RNASEH2B: variants seen among roughly 807,000 people sequenced by gnomAD.
RNASEH2B encodes ribonuclease H2 subunit B.
RNASEH2B carries 36 observed loss-of-function variants against 45.0 expected under a neutral mutation model. That is an observed-to-expected ratio of 0.80 (90% CI 0.61 to 1.06). The LOEUF (loss-of-function observed/expected upper bound fraction) is 1.06, where lower values mean the gene tolerates loss of function less well. RNASEH2B is among the 50% of genes least tolerant of loss of function. The pLI is 0.00. For synonymous variants in RNASEH2B, 119 were observed against 125.7 expected, an observed-to-expected ratio of 0.95 and a Z score of 0.35; for missense variants, 361 against 360.3, an observed-to-expected ratio of 1.00 and a Z score of -0.02.
At chr13:50,941,819 T>C (rs1293950951) in intron 5 of RNASEH2B, 3 of 152,228 alleles carry the variant, frequency 2.0e-5, no homozygotes, top group Non-Finnish European at 4.4e-5. Flanking sequence ...GACAATGCTT[T>C]TGCACCTGTC....
At chr13:50,959,633 A>C (rs2138033603), downstream of RNASEH2B, 1 of 152,306 alleles carries the variant, frequency 6.6e-6, no homozygotes, top group Admixed American at 6.5e-5. Context: ...TTGTATTTTT[A>C]GTAGAGACGG....
chr13:50,946,907 G>A (rs760910831), intron 7 of RNASEH2B, among the ~76,000 whole-genome samples: 6 of 152,090 alleles, frequency 3.9e-5, no homozygotes, highest in Admixed American at 6.5e-5. Flanking sequence ...TGACTCATTG[G>A]ATAATGACTA....
intron 1 of RNASEH2B, among the ~76,000 whole-genome samples, chr13:50,924,275 C>G (rs141230608): frequency 2.0e-3 from 300 of 152,222 alleles, no homozygotes; most frequent in African/African-American, 7.1e-3. Context: ...CAATTATATC[C>G]TATCTACTAG....
At chr13:50,950,127 C>T (rs1398643803) in intron 9 of RNASEH2B, 1 of 152,542 alleles carries the variant, frequency 6.6e-6, no homozygotes, top group African/African-American at 2.4e-5. Flanking sequence ...TTGCAGCGTT[C>T]CTTCAGCCCA....
chr13:50,937,174 A>G (rs1402227851), intron 5 of RNASEH2B: 2 of 152,122 alleles, frequency 1.3e-5, no homozygotes, highest in African/African-American at 2.4e-5. Context: ...GAATCTCAAA[A>G]TAATGGAAGT....
chr13:50,928,117 A>G (rs868618924), intron 2 of RNASEH2B, among the ~76,000 whole-genome samples: 2 of 152,288 alleles, frequency 1.3e-5, no homozygotes, highest in Middle Eastern at 3.4e-3. Flanking sequence ...CAAAAATATT[A>G]AAGTGTATTC....
intron 4 of RNASEH2B, 73 bp from the exon 5 acceptor site, chr13:50,934,812 G>T: frequency 2.0e-6 from 2 of 1,024,072 alleles, no homozygotes; most frequent in South Asian, 1.4e-5. Flanking sequence ...ATGAGTTAAT[G>T]TGTCTTTTTC....
chr13:50,965,054 A>G (rs940655491), intron 9 of RNASEH2B, among the ~76,000 whole-genome samples: 1 of 152,194 alleles, frequency 6.6e-6, no homozygotes, highest in African/African-American at 2.4e-5. Context: ...CAATGGTTTG[A>G]TTGATGGCAG....
rs1879259645 is a variant in RNASEH2B at position 50,910,101 on chromosome 13, G to A, written c.25G>A (p.Asp9Asn). Residue 9 changes from aspartate to asparagine, a missense_variant, in exon 1 of 11, where the codon GAC (aspartate) becomes AAC (asparagine). Coordinates refer to ENST00000336617, the MANE Select transcript of RNASEH2B (RefSeq NM_024570.4). The part of the protein sequence containing the change: MAAGVDCG[D>N]GVGARQHVFL... Reference sequence around the variant, plus strand: ...CATGGCCGCTGGCGTGGACTGCGGGGACGGGGTTGGCGCCCGGCAGCACGT... The same window carrying A: ...CATGGCCGCTGGCGTGGACTGCGGGAACGGGGTTGGCGCCCGGCAGCACGT... 1 of 1,463,046 alleles carries A rather than the reference G, an allele frequency of 6.8e-7. No individual in the cohort carries two copies. The highest frequency in any genetic ancestry group is 9.0e-7 in the Non-Finnish European group (1 of 1,110,462). The allele number at this position is 1,463,046 out of a possible 1,614,324, so 90.6% of individuals were successfully genotyped here.
At chr13:50,937,930 G>A (rs546870666) in intron 5 of RNASEH2B, 1 of 152,288 alleles carries the variant, frequency 6.6e-6, no homozygotes, top group Admixed American at 6.5e-5. Flanking sequence ...CCATGTGGTG[G>A]ATGTCCTAGC....
intron 4 of RNASEH2B, among the ~76,000 whole-genome samples, chr13:50,932,936 G>A (rs559314332): frequency 5.1e-4 from 78 of 152,130 alleles, no homozygotes; most frequent in South Asian, 1.0e-3. Context: ...CCTGCCCTCC[G>A]CCCTTCACTG....
At chr13:50,927,985 G>C (rs930156645) in intron 2 of RNASEH2B, among the ~76,000 whole-genome samples, 18 of 151,360 alleles carry the variant, frequency 1.2e-4, no homozygotes, top group African/African-American at 4.1e-4. Context: ...TTCTCCGTCA[G>C]GGGACTTTTT....
Position 50,945,436 on chromosome 13 carries a change from A to G in RNASEH2B, c.520A>G (p.Thr174Ala), listed in dbSNP as rs1593472446. ...LKWLEKKVNQ[T>A]VAALKTNNVN... ...CTTGGTTGCTTCATAGGTTAATCAA[A>G]CTGTGGCAGCATTAAAAACCAATAA... The change falls in exon 7 of 11, where the codon ACT becomes GCT. Residue 174 changes from threonine (T) to alanine (A), a missense_variant. Thr to Ala is a moderately conservative substitution (Grantham distance 58, BLOSUM62 0). Transcript: ENST00000336617. The G allele has an allele frequency of 3.1e-6, 5 of 1,612,354 alleles. No homozygotes were observed. In the East Asian group the frequency reaches 8.9e-5, roughly 29 times the overall value.
intron 9 of RNASEH2B, among the ~76,000 whole-genome samples, chr13:50,965,523 A>G (rs1375029040): frequency 6.6e-6 from 1 of 152,196 alleles, no homozygotes; most frequent in Non-Finnish European, 1.5e-5. Context: ...CAACCAATCC[A>G]TCAATCCATC....
Position 50,930,675 on chromosome 13 carries a change from A to G in RNASEH2B, c.245-8A>G, listed in dbSNP as rs1057517815. Reference sequence around the variant, plus strand: ...TTTAATTCCCTTCATCCTTTTTGTAATCTGCAGGAGGTCTTCTCCATTTTG... The same window carrying G: ...TTTAATTCCCTTCATCCTTTTTGTAGTCTGCAGGAGGTCTTCTCCATTTTG... On this transcript the variant is annotated splice_region_variant and splice_polypyrimidine_tract_variant and intron_variant, in intron 3 of 10. Transcript: ENST00000336617. 16 of 1,603,350 alleles carry G rather than the reference A, an allele frequency of 1.0e-5. No individual in the cohort carries two copies. Among genetic ancestry groups the G allele is most frequent in the African/African-American group, 4.0e-5 (3 of 74,686 alleles).
intron 9 of RNASEH2B, among the ~76,000 whole-genome samples, chr13:50,963,566 T>C (rs1952134833): frequency 6.6e-6 from 1 of 152,232 alleles, no homozygotes; most frequent in Admixed American, 6.5e-5. Flanking sequence ...AATACTTCAA[T>C]ATAGTTAAAA....
chr13:50,929,695 A>G, intron 3 of RNASEH2B, 113 bp downstream of exon 3: 1 of 729,544 alleles, frequency 1.4e-6, no homozygotes, highest in South Asian at 1.5e-5. Context: ...TCACTGGTTT[A>G]GCCTTCCTTG....
chr13:50,909,958 G>T lies in RNASEH2B; in HGVS notation c.-119G>T. ...GTCCCTGGGCCTCCTCCCGGGCGCT[G>T]CCGGTCCCTCAGCGCGCCGCGCCAC... On this transcript the variant is annotated 5_prime_UTR_variant, in exon 1 of 11. Coordinates refer to ENST00000336617, the MANE Select transcript of RNASEH2B (RefSeq NM_024570.4). 1.2e-6 allele frequency: 1 copy of T among 805,954 alleles called. No individual in the cohort carries two copies. The highest frequency in any genetic ancestry group is 1.8e-6 in the Non-Finnish European group (1 of 546,096). The allele number at this position is 805,954 out of a possible 1,614,324, so 49.9% of individuals were successfully genotyped here.
At chr13:50,919,180 G>A (rs1951485566) in intron 1 of RNASEH2B, among the ~76,000 whole-genome samples, 1 of 152,160 alleles carries the variant, frequency 6.6e-6, no homozygotes, top group African/African-American at 2.4e-5. Flanking sequence ...CCAAGAGAGG[G>A]ATAAGAAAGA....
Sources: allele counts gnomAD v4.1 joint callset (sites outside exome capture counted in the v4.1 genomes callset), GRCh38; gene constraint gnomAD v4.1.1; transcripts MANE v1.5; gene names NCBI Gene and HGNC (gene_info 2026-07-23, HGNC 2026-07-21).